The following SMG7 variants were observed in gnomAD, a reference collection of about 807,000 sequenced individuals.
SMG7 encodes the protein nonsense-mediated mRNA decay factor SMG7.
A neutral mutation model predicts 148.2 loss-of-function variants in SMG7; 34 were observed. The observed-to-expected ratio is 0.23, with a 90% CI of 0.17 to 0.31. The LOEUF is 0.31. Ranked by LOEUF, SMG7 falls within the 10% of genes least tolerant of loss-of-function variation. The pLI, the probability that SMG7 is intolerant of heterozygous loss-of-function variation, is 1.00. For missense variants in SMG7, 1,114 were observed against 1,408.4 expected (o/e 0.79, Z 3.35); for synonymous variants, 492 against 515.1 (o/e 0.96, Z 0.61).
intron 9 of SMG7, 71 bp downstream of exon 9, chr1:183,533,397 G>A: frequency 6.9e-7 from 1 of 1,447,438 alleles, no homozygotes; most frequent in East Asian, 2.3e-5. Flanking sequence ...CATCGATGTA[G>A]CAAAGCACAG....
chr1:183,511,152 A>G (rs1391003786), intron 1 of SMG7, among the ~76,000 whole-genome samples: 1 of 151,944 alleles, frequency 6.6e-6, no homozygotes, highest in South Asian at 2.1e-4. Context: ...AAAAAAAAAA[A>G]TCTCTCTTAA....
At chr1:183,494,258 T>A (rs1006762897) in intron 1 of SMG7, among the ~76,000 whole-genome samples, 3 of 151,830 alleles carry the variant, frequency 2.0e-5, no homozygotes, top group African/African-American at 4.8e-5. Context: ...TATAAAATGT[T>A]ACAACAATAT....
rs1271159367 is a variant in SMG7, at chr1:183,527,415, G to A, written c.485-541G>A. The stretch of plus-strand genomic sequence containing the variant: ...ATATTGTAAGTCAGCGGTTCCATGA[G>A]GAGGTCACATCAGAGTAAGCAGTGA... On this transcript the variant is annotated intron_variant, in intron 5 of 22. Transcript: ENST00000688051. This position sits in a 1 kb window ranked among gnomAD's most constrained non-coding sequence, Gnocchi z 4.0. 1.3e-5 allele frequency among the ~76,000 whole-genome samples: 2 copies of A among 152,160 alleles called. No homozygotes were observed. Among genetic ancestry groups the A allele is most frequent in the Non-Finnish European group, 1.5e-5 (1 of 68,034 alleles).
chr1:183,549,105 G>A lies in SMG7; in HGVS notation c.2893-103G>A, dbSNP rs1670491805. ...CTGAGCCTCAAATTGTACTCAGTGG[G>A]CGAATACAGGCATGCTTTTGCTTTG... is the stretch of plus-strand genomic sequence containing the variant. On this transcript the variant is annotated intron_variant, in intron 18 of 22. Transcript: ENST00000688051. 6 of 795,602 alleles carry A rather than the reference G, an allele frequency of 7.5e-6. No individual in the cohort carries two copies. In the South Asian group the frequency reaches 9.9e-5, roughly 13 times the overall value. 49.3% of individuals were successfully genotyped at this position (795,602 alleles called of 1,614,324 possible). A position where few individuals can be genotyped will look rare whatever the true frequency, so the allele number is the denominator to read the frequency against.
At chr1:183,505,294 A>G (rs1200211739) in intron 1 of SMG7, among the ~76,000 whole-genome samples, 1 of 152,188 alleles carries the variant, frequency 6.6e-6, no homozygotes, top group Non-Finnish European at 1.5e-5. Flanking sequence ...ACCAAATCTG[A>G]CACACTTTTC....
At chr1:183,528,216 TTTATTA>T (rs1206280456) in intron 6 of SMG7, among the ~76,000 whole-genome samples, 189 bp downstream of exon 6, 1 of 152,128 alleles carries the variant, frequency 6.6e-6, no homozygotes, top group East Asian at 1.9e-4. Context: ...TAAGATGACT[TTTATTA>T]TTTATTTTAT....
At chr1:183,551,725 T>G in intron 22 of SMG7, 93 bp from the exon 23 acceptor site, 1 of 912,340 alleles carries the variant, frequency 1.1e-6, no homozygotes, top group East Asian at 3.0e-5. Context: ...TTTGGGGCCA[T>G]ATATATGCCT....
At chr1:183,493,462 G>A (rs1198046792) in intron 1 of SMG7, among the ~76,000 whole-genome samples, 3 of 152,144 alleles carry the variant, frequency 2.0e-5, no homozygotes, top group Non-Finnish European at 4.4e-5. Context: ...CTATCTTGGT[G>A]AATGTGCCAT....
intron 4 of SMG7, among the ~76,000 whole-genome samples, chr1:183,520,213 A>T (rs191457519): frequency 7.2e-5 from 11 of 152,268 alleles, no homozygotes; most frequent in Middle Eastern, 6.8e-3. Flanking sequence ...GGAAACACAA[A>T]ATGATTACAG....
chr1:183,488,039 G>A (rs1159442671), intron 1 of SMG7, among the ~76,000 whole-genome samples: 2 of 152,190 alleles, frequency 1.3e-5, no homozygotes, highest in African/African-American at 2.4e-5. Context: ...GTGGAAAGCC[G>A]TGTTCATATG....
At chr1:183,480,222 C>T (rs2226099) in intron 1 of SMG7, among the ~76,000 whole-genome samples, 37,547 of 151,952 alleles carry the variant, frequency 0.25, 5,570 homozygotes, top group Non-Finnish European at 0.33. Context: ...TTCCCTTTAC[C>T]GATCTTACTT....
Position 183,546,293 on chromosome 1 carries a change from G to A in SMG7, c.2698G>A (p.Val900Ile), listed in dbSNP as rs2298083. The change falls in exon 17 of 23, where the codon GTC (valine) becomes ATC (isoleucine). Residue 900 changes from valine (V) to isoleucine (I), a missense_variant. Physicochemically the swap from Val to Ile is conservative, Grantham distance 29. This residue lies in a region of SMG7 where 788 missense variants were observed against 894.5 expected (regional missense o/e 0.88). Transcript: ENST00000688051. Reference protein sequence around the residue: ...IDRRGKRSPGVFRPEQDPVPR... With the variant: ...IDRRGKRSPGIFRPEQDPVPR... ...CCGCAGGGGCAAACGGTCACCAGGA[G>A]TCTTCCGTCCAGAGCAGGATCCTGT... 0.13 allele frequency: 203,301 copies of A among 1,613,736 alleles called. 14,048 individuals carry two copies. The highest frequency in any genetic ancestry group is 0.27 in the African/African-American group (20,044 of 74,952).
intron 1 of SMG7, among the ~76,000 whole-genome samples, chr1:183,503,306 T>C (rs1660150290): frequency 6.6e-6 from 1 of 152,258 alleles, no homozygotes; most frequent in Non-Finnish European, 1.5e-5. Context: ...GAGTTTAGTC[T>C]GTTATCAGTT....
intron 1 of SMG7, among the ~76,000 whole-genome samples, chr1:183,482,351 A>G (rs1654363291): frequency 1.3e-5 from 2 of 152,000 alleles, no homozygotes; most frequent in South Asian, 4.1e-4. Flanking sequence ...AGAGAGAAAG[A>G]TTTATATAAT....
At chr1:183,541,198 T>C (rs181911874) in intron 13 of SMG7, 95 bp downstream of exon 13, 1 of 1,103,156 alleles carries the variant, frequency 9.1e-7, no homozygotes, top group East Asian at 2.5e-5. Flanking sequence ...ATCTCATATG[T>C]TACGTATTTT....
intron 19 of SMG7, 139 bp downstream of exon 19, chr1:183,549,427 T>C (rs1670566944): frequency 1.5e-6 from 1 of 667,844 alleles, no homozygotes. Context: ...TTATCCCCCT[T>C]GTCTCTGATT....
intron 1 of SMG7, among the ~76,000 whole-genome samples, chr1:183,477,626 ATG>A (rs1209678720): frequency 8.3e-6 from 1 of 119,900 alleles, no homozygotes; most frequent in African/African-American, 3.3e-5. Context: ...GTGTGTGCAT[ATG>A]TGTATATATG....
In SMG7 at chr1:183,539,662, A is replaced by G. The variant is rs74326117; in HGVS notation, c.1295+1222A>G. Among the ~76,000 whole-genome samples the G allele has an allele frequency of 7.8e-3, 1,184 of 152,208 alleles. 14 individuals carry two copies. Among genetic ancestry groups the G allele is most frequent in the African/African-American group, 0.027 (1,125 of 41,522 alleles). On this transcript the variant is annotated intron_variant, in intron 12 of 22. Transcript: ENST00000688051. Reference sequence around the variant, plus strand: ...AGCCAAAAAGCAATCTTCTTTCTCTATTTTCTGTCTGTGCCTGTGGCATTA... The same window carrying G: ...AGCCAAAAAGCAATCTTCTTTCTCTGTTTTCTGTCTGTGCCTGTGGCATTA...
At chr1:183,542,916 AATAT>A (rs557188491) in intron 14 of SMG7, among the ~76,000 whole-genome samples, 194 of 124,250 alleles carry the variant, frequency 1.6e-3, no homozygotes, top group African/African-American at 5.3e-3. Context: ...GATTCACTAT[AATAT>A]ATATATATGT....
Sources: allele counts gnomAD v4.1 joint callset (sites outside exome capture counted in the v4.1 genomes callset), GRCh38; gene constraint gnomAD v4.1.1; regional missense constraint gnomAD v4.1.1; non-coding constraint Gnocchi (gnomAD v3.1); transcripts MANE v1.5; gene names NCBI Gene and HGNC (gene_info 2026-07-23, HGNC 2026-07-21).